Variants in NHERF1 observed in about 807,000 individuals in gnomAD.
The protein encoded by NHERF1 is NHERF family PDZ scaffold protein 1.
the NHERF1 span, among the ~76,000 whole-genome samples, chr17:74,755,285 G>C: frequency 1.3e-5 from 2 of 152,166 alleles, no homozygotes; most frequent in Non-Finnish European, 2.9e-5. Flanking sequence ...CAGCCCATAA[G>C]TGGCAGGCTC....
the NHERF1 span, among the ~76,000 whole-genome samples, chr17:74,749,782 C>T: frequency 2.0e-5 from 3 of 152,196 alleles, no homozygotes; most frequent in Non-Finnish European, 4.4e-5. This position sits in a 1 kb window ranked among gnomAD's most constrained non-coding sequence, Gnocchi z 5.6. Flanking sequence ...TGTGGAGCCC[C>T]GGCGCGAGGA....
the NHERF1 span, chr17:74,748,947 A>AG: frequency 6.2e-7 from 1 of 1,605,574 alleles, no homozygotes; most frequent in Non-Finnish European, 8.5e-7. This position sits in a 1 kb window ranked among gnomAD's most constrained non-coding sequence, Gnocchi z 4.3. Flanking sequence ...GAGAAGGGCA[A>AG]GTTGGGCCAG....
the NHERF1 span, chr17:74,762,168 G>A: frequency 4.9e-5 from 79 of 1,613,942 alleles, no homozygotes; most frequent in Non-Finnish European, 6.3e-5. The surrounding 1 kb of genome is among the most constrained non-coding windows in gnomAD (Gnocchi z 4.2). Flanking sequence ...GGATCGCATT[G>A]TGGAGGTGAT....
the NHERF1 span, among the ~76,000 whole-genome samples, chr17:74,755,855 G>A: frequency 6.6e-6 from 1 of 152,176 alleles, no homozygotes. Flanking sequence ...CAAATAAAAG[G>A]ATGTACAATA....
At chr17:74,767,350 C>T in the NHERF1 span, among the ~76,000 whole-genome samples, 1 of 152,218 alleles carries the variant, frequency 6.6e-6, no homozygotes, top group African/African-American at 2.4e-5. Flanking sequence ...AACAAAGCCC[C>T]TCCTCCCCCC....
chr17:74,768,134 T>C, the NHERF1 span: 1 of 1,591,670 alleles, frequency 6.3e-7, no homozygotes, highest in Non-Finnish European at 8.6e-7. Flanking sequence ...CACAACCCTC[T>C]CCTCTCTGCC....
the NHERF1 span, among the ~76,000 whole-genome samples, chr17:74,752,948 T>C: frequency 6.6e-6 from 1 of 152,206 alleles, no homozygotes; most frequent in Non-Finnish European, 1.5e-5. Flanking sequence ...TGAATGAATA[T>C]ATAACAACAG....
chr17:74,763,061 G>C, the NHERF1 span: 1 of 311,954 alleles, frequency 3.2e-6, no homozygotes, highest in East Asian at 6.0e-5. Context: ...TCCTTACCCA[G>C]GCTGGGCCCC....
At chr17:74,766,763 T>G in the NHERF1 span, among the ~76,000 whole-genome samples, 1 of 151,504 alleles carries the variant, frequency 6.6e-6, no homozygotes, top group South Asian at 2.1e-4. Context: ...AAAAAAAAAA[T>G]TTTTTTTAAA....
chr17:74,767,117 C>T, the NHERF1 span: 2 of 782,944 alleles, frequency 2.6e-6, no homozygotes, highest in East Asian at 5.3e-5. Context: ...TCTTCAGCTC[C>T]AAGCTATAGA....
chr17:74,749,339 G>A, the NHERF1 span: 7 of 1,463,884 alleles, frequency 4.8e-6, no homozygotes, highest in Non-Finnish European at 6.3e-6. The surrounding 1 kb of genome is among the most constrained non-coding windows in gnomAD (Gnocchi z 5.6). Flanking sequence ...GGAGGATCCG[G>A]AGAGACCCAG....
At chr17:74,768,370 T>G in the NHERF1 span, 1 of 1,473,604 alleles carries the variant, frequency 6.8e-7, no homozygotes, top group African/African-American at 1.4e-5. Context: ...CTGGCTTCCC[T>G]GGGCACGGCC....
the NHERF1 span, chr17:74,768,565 T>C: frequency 1.2e-6 from 2 of 1,611,672 alleles, no homozygotes; most frequent in Admixed American, 1.7e-5. Flanking sequence ...TCCCTGGCCA[T>C]GGCCAAAGAG....
chr17:74,762,225 A>T, the NHERF1 span: 1 of 1,548,854 alleles, frequency 6.5e-7, no homozygotes, highest in Non-Finnish European at 8.8e-7. This position sits in a 1 kb window ranked among gnomAD's most constrained non-coding sequence, Gnocchi z 4.2. Context: ...CCTGCAGATC[A>T]GCAGCACCTG....
chr17:74,761,938 G>A, the NHERF1 span: 1 of 1,489,626 alleles, frequency 6.7e-7, no homozygotes, highest in African/African-American at 1.4e-5. This position sits in a 1 kb window ranked among gnomAD's most constrained non-coding sequence, Gnocchi z 4.3. Flanking sequence ...GGGGAGATGG[G>A]GACAGGCAGA....
chr17:74,767,360 C>A, the NHERF1 span, among the ~76,000 whole-genome samples: 2 of 152,314 alleles, frequency 1.3e-5, no homozygotes, highest in South Asian at 2.1e-4. Flanking sequence ...CTCCTCCCCC[C>A]TTCCCTGGGC....
the NHERF1 span, chr17:74,768,623 G>C: frequency 3.1e-6 from 5 of 1,614,088 alleles, 1 homozygote; most frequent in Admixed American, 8.3e-5. Context: ...AGATGGACTG[G>C]AGCAAGAAAA....
At chr17:74,761,006 C>T in the NHERF1 span, among the ~76,000 whole-genome samples, 9 of 152,258 alleles carry the variant, frequency 5.9e-5, no homozygotes, top group African/African-American at 1.9e-4. This position sits in a 1 kb window ranked among gnomAD's most constrained non-coding sequence, Gnocchi z 4.3. Flanking sequence ...GGGACAGGGA[C>T]TCAGGCGTAG....
chr17:74,753,024 C>T, the NHERF1 span, among the ~76,000 whole-genome samples: 1 of 152,210 alleles, frequency 6.6e-6, no homozygotes, highest in Non-Finnish European at 1.5e-5. Flanking sequence ...CAGATAGAAC[C>T]TACCCACTCT....
Sources: gnomAD v4.1 joint callset for allele counts (sites outside exome capture counted in the v4.1 genomes callset) on GRCh38, gnomAD v4.1.1 for gene constraint, Gnocchi (gnomAD v3.1) non-coding constraint, MANE v1.5 for transcripts, NCBI Gene and HGNC (gene_info 2026-07-23, HGNC 2026-07-21) for gene names.